Variants in AGMO observed in about 807,000 individuals in gnomAD.
AGMO encodes the protein glyceryl-ether monooxygenase.
AGMO carries 75 observed loss-of-function variants against 60.2 expected under a neutral mutation model. The ratio of observed to expected loss-of-function variants is 1.25; its 90% CI spans 1.03 to 1.51. The LOEUF (loss-of-function observed/expected upper bound fraction) is 1.51. Ranked by LOEUF, AGMO falls within the 40% of genes most tolerant of loss-of-function variation. The pLI is 0.00. For missense variants in AGMO, 763 were observed against 525.5 expected, an observed-to-expected ratio of 1.45 and a Z score of -4.42; for synonymous variants, 261 against 177.1, an observed-to-expected ratio of 1.47 and a Z score of -3.76.
chr7:15,239,603 C>T (rs1351206642), intron 12 of AGMO, among the ~76,000 whole-genome samples: 1 of 152,008 alleles, frequency 6.6e-6, no homozygotes, highest in Non-Finnish European at 1.5e-5. Context: ...AAGCAGTGTG[C>T]CTGTATAATT....
intron 12 of AGMO, among the ~76,000 whole-genome samples, chr7:15,344,210 T>C (rs544258256): frequency 3.3e-5 from 5 of 152,292 alleles, no homozygotes; most frequent in African/African-American, 1.2e-4. Context: ...ACAATATTTG[T>C]TGAATGAATA....
At chr7:15,265,218 T>C (rs926031179) in intron 12 of AGMO, among the ~76,000 whole-genome samples, 3 of 152,076 alleles carry the variant, frequency 2.0e-5, no homozygotes, top group African/African-American at 7.2e-5. Context: ...CACTTACAAG[T>C]GGGAGCTAAA....
intron 12 of AGMO, among the ~76,000 whole-genome samples, chr7:15,355,488 G>C (rs1380392117): frequency 8.0e-6 from 1 of 124,370 alleles, no homozygotes; most frequent in African/African-American, 3.3e-5. Flanking sequence ...CTGGACAACT[G>C]AGTGAGACTC....
At chr7:15,500,774 G>A (rs757622091) in intron 3 of AGMO, among the ~76,000 whole-genome samples, 28 of 151,850 alleles carry the variant, frequency 1.8e-4, no homozygotes, top group Admixed American at 6.6e-5. Context: ...TTCGAGCTGT[G>A]ATGTTAGGTT....
At chr7:15,135,159 AGTTTGTGTGTGTGTGT>A in the AGMO span, among the ~76,000 whole-genome samples, 1 of 124,946 alleles carries the variant, frequency 8.0e-6, no homozygotes, top group Non-Finnish European at 1.8e-5. Context: ...TATTTATATG[AGTTTGTGTGTGTGTGT>A]GTGTGTGTGT....
At chr7:15,400,579 T>C (rs945707638) in intron 5 of AGMO, among the ~76,000 whole-genome samples, 3 of 152,110 alleles carry the variant, frequency 2.0e-5, no homozygotes, top group African/African-American at 4.8e-5. Flanking sequence ...GGAGTGAGTG[T>C]GGTGGTCATT....
intron 12 of AGMO, among the ~76,000 whole-genome samples, chr7:15,289,637 A>G (rs1313191623): frequency 6.6e-6 from 1 of 152,062 alleles, no homozygotes; most frequent in African/African-American, 2.4e-5. Flanking sequence ...AAGTTTATCT[A>G]TGGAATATTC....
intron 3 of AGMO, among the ~76,000 whole-genome samples, chr7:15,475,337 T>C (rs959000327): frequency 1.3e-5 from 2 of 152,114 alleles, no homozygotes; most frequent in African/African-American, 4.8e-5. Flanking sequence ...GTGGCACATA[T>C]ACACCATGTA....
chr7:15,221,500 A>G (rs571167372), intron 12 of AGMO, among the ~76,000 whole-genome samples: 56 of 152,224 alleles, frequency 3.7e-4, no homozygotes, highest in African/African-American at 1.3e-3. Flanking sequence ...AATAGTGGTG[A>G]CTATAGACGT....
intron 12 of AGMO, among the ~76,000 whole-genome samples, chr7:15,249,162 T>G (rs1782855646): frequency 6.6e-6 from 1 of 152,178 alleles, no homozygotes; most frequent in African/African-American, 2.4e-5. Context: ...GTGTGAAATT[T>G]TTTGAAACAA....
chr7:15,123,191 G>T, the AGMO span, among the ~76,000 whole-genome samples: 1 of 151,912 alleles, frequency 6.6e-6, no homozygotes, highest in Admixed American at 6.6e-5. Context: ...AAACTCATCT[G>T]CTCAATGATC....
chr7:15,220,494 AG>A (rs1781886159), intron 12 of AGMO, among the ~76,000 whole-genome samples: 1 of 151,808 alleles, frequency 6.6e-6, no homozygotes, highest in African/African-American at 2.4e-5. Context: ...CTAGGATTAC[AG>A]GGGTGAGCCA....
intron 12 of AGMO, among the ~76,000 whole-genome samples, chr7:15,287,142 T>C (rs1377812402): frequency 6.6e-6 from 1 of 152,120 alleles, no homozygotes; most frequent in Non-Finnish European, 1.5e-5. Flanking sequence ...ACTCAGGTGA[T>C]GAATGCAATA....
At chr7:15,184,364 A>G in the AGMO span, among the ~76,000 whole-genome samples, 4 of 3,528 alleles carry the variant, frequency 1.1e-3, no homozygotes, top group East Asian at 0.083. Context: ...GGAGGGAAGG[A>G]AGGGAAGGAA....
At chr7:15,273,965 T>C (rs1056196676) in intron 12 of AGMO, among the ~76,000 whole-genome samples, 4 of 152,210 alleles carry the variant, frequency 2.6e-5, no homozygotes, top group African/African-American at 7.2e-5. Context: ...TTTTTGTACA[T>C]TGATTTTGCA....
intron 12 of AGMO, among the ~76,000 whole-genome samples, chr7:15,252,175 A>G (rs1389925979): frequency 6.6e-6 from 1 of 152,214 alleles, no homozygotes; most frequent in African/African-American, 2.4e-5. Flanking sequence ...AACATAAATT[A>G]TATAGTATGT....
chr7:15,523,238 T>C (rs1784047913), intron 3 of AGMO, among the ~76,000 whole-genome samples: 1 of 152,114 alleles, frequency 6.6e-6, no homozygotes, highest in Non-Finnish European at 1.5e-5. Context: ...TTGGTGGGAG[T>C]GTAAATTAGT....
At chr7:15,249,598 C>T (rs1782870654) in intron 12 of AGMO, among the ~76,000 whole-genome samples, 2 of 151,940 alleles carry the variant, frequency 1.3e-5, no homozygotes, top group South Asian at 4.1e-4. Flanking sequence ...GTCATTCTCA[C>T]CTGAATGGAG....
chr7:15,317,994 G>GTA (rs1491569415), intron 12 of AGMO, among the ~76,000 whole-genome samples: 124 of 134,980 alleles, frequency 9.2e-4, no homozygotes, highest in African/African-American at 3.2e-3. Context: ...ATATATACAC[G>GTA]TATATATATA....
Sources: gnomAD v4.1 joint callset for allele counts (sites outside exome capture counted in the v4.1 genomes callset) on GRCh38, gnomAD v4.1.1 for gene constraint, MANE v1.5 for transcripts, NCBI Gene and HGNC (gene_info 2026-07-23, HGNC 2026-07-21) for gene names.